SAMD3: variants seen among roughly 807,000 people sequenced by gnomAD.
SAMD3 encodes the protein sterile alpha motif domain containing 3.
In SAMD3, 63 loss-of-function variants were observed where a neutral mutation model predicts 58.5. The observed-to-expected ratio is 1.08, with a 90% CI of 0.88 to 1.33. The LOEUF is 1.33. Among genes scored for constraint, SAMD3 ranks in the 40% most tolerant of loss-of-function variants. SAMD3 has a pLI of 0.00. For synonymous variants in SAMD3, 220 were observed against 210.3 expected (o/e 1.05, Z -0.40); for missense variants, 604 against 608.4 (o/e 0.99, Z 0.08).
rs372610425 is a variant in SAMD3, at chr6:130,144,745, T to A, written c.1338A>T (p.Glu446Asp). Residue 446 changes from glutamate (E) to aspartate (D), a missense_variant, in exon 12 of 12, where the codon GAA becomes GAT. Physicochemically the swap from Glu to Asp is conservative, Grantham distance 45 (BLOSUM62 2). Coordinates refer to ENST00000439090, the MANE Select transcript of SAMD3 (RefSeq NM_001017373.4). ...VKNPFNMEVC[E>D]FSLYLERERL... ...TCTCCCTTTCTAAATATAAAGAAAA[T>A]TCGCAGACCTCCATGTTGAAAGGGT... The A allele has an allele frequency of 6.2e-7, 1 of 1,613,856 alleles. No homozygotes were observed. Among genetic ancestry groups the A allele is most frequent in the Non-Finnish European group, 8.5e-7 (1 of 1,179,970 alleles).
chr6:130,226,221 T>C (rs950468926), upstream of SAMD3, among the ~76,000 whole-genome samples: 15 of 152,322 alleles, frequency 9.8e-5, no homozygotes, highest in African/African-American at 3.6e-4. Flanking sequence ...GAACTCAGAA[T>C]TCAGAATTTT....
intron 1 of SAMD3, among the ~76,000 whole-genome samples, chr6:130,356,824 G>T (rs1425494612): frequency 6.6e-6 from 1 of 152,160 alleles, no homozygotes; most frequent in Non-Finnish European, 1.5e-5. Context: ...TACCTGTTGG[G>T]ACTACAGGGA....
chr6:130,288,868 C>T (rs1243107572), intron 2 of SAMD3, among the ~76,000 whole-genome samples: 2 of 152,180 alleles, frequency 1.3e-5, no homozygotes, highest in African/African-American at 2.4e-5. Flanking sequence ...TAAATGCTCA[C>T]AACACAGCTA....
At chr6:130,218,873 A>G (rs1481759462) in intron 1 of SAMD3, among the ~76,000 whole-genome samples, 1 of 152,190 alleles carries the variant, frequency 6.6e-6, no homozygotes, top group East Asian at 1.9e-4. Flanking sequence ...TGGAATAGGA[A>G]CCACATGGTA....
intron 2 of SAMD3, among the ~76,000 whole-genome samples, chr6:130,216,334 A>G (rs1048769890): frequency 1.3e-5 from 2 of 152,192 alleles, no homozygotes; most frequent in Non-Finnish European, 2.9e-5. Context: ...AATCTAAATG[A>G]TATAGATTTA....
intron 5 of SAMD3, among the ~76,000 whole-genome samples, chr6:130,208,818 C>T (rs1795290280): frequency 6.6e-6 from 1 of 152,104 alleles, no homozygotes; most frequent in South Asian, 2.1e-4. Context: ...ATCCCCCTGA[C>T]CCCTGTCCTT....
chr6:130,344,991 A>C (rs761982418), intron 1 of SAMD3, among the ~76,000 whole-genome samples: 2 of 151,868 alleles, frequency 1.3e-5, no homozygotes, highest in African/African-American at 2.4e-5. Flanking sequence ...ACAGTACACA[A>C]ATGGAGGAAA....
chr6:130,363,994 C>A (rs1173743350), intron 1 of SAMD3, among the ~76,000 whole-genome samples: 3 of 152,166 alleles, frequency 2.0e-5, no homozygotes, highest in African/African-American at 7.2e-5. Flanking sequence ...TTCCCTTGAG[C>A]ACTCAAGGTC....
rs191005690 is a variant in SAMD3 at position 130,272,818 on chromosome 6, C to T, written c.-188+40160G>A. Among the ~76,000 whole-genome samples, 400 of 152,152 alleles carry T rather than the reference C, an allele frequency of 2.6e-3. 2 individuals are homozygous for T. The highest frequency in any genetic ancestry group is 7.1e-3 in the Admixed American group (108 of 15,272). ...CTCAGCTTCCCAAGTAGCTGGGATT[C>T]CTGGGACATGCCACCATAATTAGGT... On this transcript the variant is annotated intron_variant, in intron 2 of 13. Transcript: ENST00000368134.
chr6:130,224,140 T>TATG (rs60740776), upstream of SAMD3, among the ~76,000 whole-genome samples: 19,267 of 151,870 alleles, frequency 0.13, 3,137 homozygotes, highest in African/African-American at 0.38. Flanking sequence ...AGGCAAATTC[T>TATG]ACGTGGTCCA....
rs903704791 is a variant in SAMD3, at chr6:130,273,259, G to A, written c.-188+39719C>T. The stretch of plus-strand genomic sequence containing the variant: ...AAGAGACCTTTTATCATTATATAAT[G>A]TATTTCTTTGTCTTGTGAATAAGGT... On this transcript the variant is annotated intron_variant, in intron 2 of 13. Coordinates refer to the SAMD3 transcript ENST00000368134. 3.9e-5 allele frequency among the ~76,000 whole-genome samples: 6 copies of A among 152,062 alleles called. No homozygotes were observed. In the East Asian group the frequency reaches 5.8e-4, roughly 15 times the overall value.
chr6:130,295,175 G>A (rs1312706021), intron 2 of SAMD3, among the ~76,000 whole-genome samples: 3 of 151,966 alleles, frequency 2.0e-5, no homozygotes, highest in Non-Finnish European at 2.9e-5. Flanking sequence ...CATCCACCTC[G>A]GCCTCCCAAA....
chr6:130,345,029 G>T (rs1297575003), intron 1 of SAMD3, among the ~76,000 whole-genome samples: 1 of 151,856 alleles, frequency 6.6e-6, no homozygotes, highest in Non-Finnish European at 1.5e-5. Flanking sequence ...CCAAAACTAG[G>T]CTGTGATTAA....
chr6:130,178,539 A>G lies in SAMD3; in HGVS notation c.655-2531T>C, dbSNP rs533830161. ...ATGACACCAAAATAACATTAGCCAA[A>G]TGCTTGGCACTTAGATTTTGCCATT... is the stretch of plus-strand genomic sequence containing the variant. On this transcript the variant is annotated intron_variant, in intron 7 of 11. Transcript: ENST00000439090. 1.1e-3 allele frequency among the ~76,000 whole-genome samples: 166 copies of G among 152,202 alleles called. 1 individual carries two copies. Among genetic ancestry groups the G allele is most frequent in the Non-Finnish European group, 9.4e-4 (64 of 68,022 alleles).
intron 1 of SAMD3, among the ~76,000 whole-genome samples, chr6:130,317,669 G>A (rs1050185747): frequency 3.3e-5 from 5 of 152,184 alleles, no homozygotes; most frequent in African/African-American, 1.2e-4. Context: ...TCTTGATCAA[G>A]ATGGAATGAC....
Position 130,282,686 on chromosome 6 carries a change from G to A in SAMD3, c.-188+30292C>T, listed in dbSNP as rs555685695. ...CTACTCACTGGTACAGAGAAGACAA[G>A]GACGCTAAAAGTAACAGCTGAAACA... On this transcript the variant is annotated intron_variant, in intron 2 of 13. Coordinates refer to the SAMD3 transcript ENST00000368134. Among the ~76,000 whole-genome samples, 379 of 152,144 alleles carry A rather than the reference G, an allele frequency of 2.5e-3. 3 individuals carry two copies. Among genetic ancestry groups the A allele is most frequent in the African/African-American group, 8.7e-3 (360 of 41,524 alleles).
chr6:130,197,322 T>A (rs6569662), intron 5 of SAMD3, among the ~76,000 whole-genome samples: 1 of 152,052 alleles, frequency 6.6e-6, no homozygotes, highest in Non-Finnish European at 1.5e-5. Flanking sequence ...ATACATGCCC[T>A]GCTCTTGTTT....
intron 1 of SAMD3, among the ~76,000 whole-genome samples, chr6:130,316,413 A>G (rs1776372935): frequency 6.6e-6 from 1 of 152,078 alleles, no homozygotes; most frequent in Non-Finnish European, 1.5e-5. Flanking sequence ...CATTGCTAGA[A>G]GAGTGTGCTA....
chr6:130,344,852 A>G (rs1026145555), intron 1 of SAMD3, among the ~76,000 whole-genome samples: 3 of 149,898 alleles, frequency 2.0e-5, no homozygotes, highest in African/African-American at 7.4e-5. Flanking sequence ...AAAAAAAAAA[A>G]AGAGAAAGAC....
Sources: gnomAD v4.1 joint callset for allele counts (sites outside exome capture counted in the v4.1 genomes callset) on GRCh38, gnomAD v4.1.1 for gene constraint, MANE v1.5 for transcripts, NCBI Gene and HGNC (gene_info 2026-07-23, HGNC 2026-07-21) for gene names.